Variants in KIAA1217 observed in about 807,000 individuals in gnomAD.
KIAA1217 encodes sickle tail protein homolog.
Under a neutral mutation model 163.9 loss-of-function variants are expected in KIAA1217, and 88 were observed. The observed-to-expected ratio is 0.54, with a 90% CI of 0.45 to 0.64. KIAA1217 has a LOEUF of 0.64. KIAA1217 is among the 30% of genes least tolerant of loss of function. KIAA1217 has a pLI of 0.00. For missense variants in KIAA1217, 2,372 were observed against 2,475.0 expected (o/e 0.96, Z 0.88); for synonymous variants, 903 against 923.1 (o/e 0.98, Z 0.39).
chr10:24,185,214 A>C (rs2066366073), intron 2 of KIAA1217, among the ~76,000 whole-genome samples: 1 of 152,174 alleles, frequency 6.6e-6, no homozygotes, highest in South Asian at 2.1e-4. Context: ...CTTCTACTAC[A>C]TAAGTAGTAA....
intron 2 of KIAA1217, among the ~76,000 whole-genome samples, chr10:24,049,030 CA>C (rs59235039): frequency 0.054 from 4,650 of 86,116 alleles, 46 homozygotes; most frequent in African/African-American, 0.067. Context: ...TACTCTGTCT[CA>C]AAAAAAAAAA....
intron 2 of KIAA1217, among the ~76,000 whole-genome samples, chr10:24,175,674 G>A (rs2065848932): frequency 6.6e-6 from 1 of 152,168 alleles, no homozygotes; most frequent in East Asian, 1.9e-4. Context: ...TGTGTCCAGA[G>A]TTTGCTCCTT....
chr10:23,805,460 G>A (rs1430203342), intron 1 of KIAA1217, among the ~76,000 whole-genome samples: 2 of 152,116 alleles, frequency 1.3e-5, no homozygotes, highest in East Asian at 3.9e-4. Flanking sequence ...TCACTTATAA[G>A]TGGAAGCTAA....
intron 2 of KIAA1217, among the ~76,000 whole-genome samples, chr10:24,368,404 T>C (rs2051089083): frequency 6.6e-6 from 1 of 152,028 alleles, no homozygotes; most frequent in South Asian, 2.1e-4. Context: ...CCCGCTATTC[T>C]TTTTTTCTTC....
At chr10:24,186,571 G>T (rs1344676151) in intron 2 of KIAA1217, among the ~76,000 whole-genome samples, 1 of 152,110 alleles carries the variant, frequency 6.6e-6, no homozygotes, top group Non-Finnish European at 1.5e-5. Context: ...TTAGAAGGGG[G>T]ATCTTTGTTG....
intron 9 of KIAA1217, among the ~76,000 whole-genome samples, chr10:24,506,416 C>T (rs1013683625): frequency 1.2e-4 from 18 of 152,160 alleles, no homozygotes; most frequent in African/African-American, 4.3e-4. Flanking sequence ...TAGGTTTAGG[C>T]ATTTGCTAGT....
chr10:23,938,774 C>A (rs74123173), intron 1 of KIAA1217, among the ~76,000 whole-genome samples: 2,351 of 151,572 alleles, frequency 0.016, 71 homozygotes, highest in African/African-American at 0.052. Flanking sequence ...GTTCTGGAAC[C>A]AATCCCCCTT....
rs79939023 is a variant in KIAA1217, at chr10:24,268,146, C to T, written c.354+48237C>T. 5.6e-3 allele frequency among the ~76,000 whole-genome samples: 860 copies of T among 152,272 alleles called. 11 individuals are homozygous for T. The highest frequency in any genetic ancestry group is 0.02 in the African/African-American group (823 of 41,544). On this transcript the variant is annotated intron_variant, in intron 2 of 20. Coordinates refer to ENST00000376454, the MANE Select transcript of KIAA1217 (RefSeq NM_019590.5). ...GAATGGCAAAGGAATCAGAGCAAGT[C>T]ATTACTCTCTAGTTCATTTGGCTAG...
At chr10:24,361,300 A>G (rs2049964894) in intron 2 of KIAA1217, among the ~76,000 whole-genome samples, 1 of 151,932 alleles carries the variant, frequency 6.6e-6, no homozygotes, top group Admixed American at 6.6e-5. Context: ...TAATCCTCCC[A>G]CCTCAGCCTC....
chr10:23,940,460 C>CA (rs760090400), intron 1 of KIAA1217, among the ~76,000 whole-genome samples: 4,924 of 45,608 alleles, frequency 0.11, 460 homozygotes, highest in Middle Eastern at 0.19. Flanking sequence ...GACTCCGTCT[C>CA]AAAAAAAAAA....
intron 6 of KIAA1217, among the ~76,000 whole-genome samples, chr10:24,492,019 T>C (rs181561715): frequency 6.6e-6 from 1 of 152,264 alleles, no homozygotes; most frequent in East Asian, 1.9e-4. Context: ...TAGCCCTGAA[T>C]GCACCTCTGC....
intron 2 of KIAA1217, among the ~76,000 whole-genome samples, chr10:24,088,272 T>TATATATATATATATAC (rs1554861345): frequency 3.7e-5 from 4 of 107,196 alleles, no homozygotes; most frequent in African/African-American, 1.2e-4. Context: ...TATATATATA[T>TATATATATATATATAC]ATACACACAT....
chr10:24,209,033 G>A (rs1425455896), upstream of KIAA1217: 12 of 615,294 alleles, frequency 2.0e-5, no homozygotes, highest in East Asian at 3.4e-4. Flanking sequence ...TTTCTCGGGC[G>A]AGGGAGACTT....
chr10:24,431,635 G>A (rs1368493430), intron 3 of KIAA1217, among the ~76,000 whole-genome samples: 1 of 152,158 alleles, frequency 6.6e-6, no homozygotes, highest in Non-Finnish European at 1.5e-5. Context: ...AGTTCTGAAA[G>A]GAAACATCCC....
At chr10:24,244,076 T>C (rs977619302) in intron 2 of KIAA1217, among the ~76,000 whole-genome samples, 1 of 152,182 alleles carries the variant, frequency 6.6e-6, no homozygotes, top group African/African-American at 2.4e-5. Context: ...GAAGAGCATA[T>C]GAAGTTTTGT....
At chr10:24,302,806 A>C (rs1398897578) in intron 2 of KIAA1217, among the ~76,000 whole-genome samples, 1 of 152,136 alleles carries the variant, frequency 6.6e-6, no homozygotes, top group African/African-American at 2.4e-5. Context: ...GGCCATGTGG[A>C]TATCTGTCTA....
chr10:24,073,756 G>T (rs1332649385), intron 2 of KIAA1217, among the ~76,000 whole-genome samples: 2 of 152,162 alleles, frequency 1.3e-5, no homozygotes, highest in African/African-American at 4.8e-5. Flanking sequence ...CCAACTGGGG[G>T]AACTTCATGG....
chr10:23,957,700 T>C (rs1443314444), intron 1 of KIAA1217, among the ~76,000 whole-genome samples: 3 of 152,062 alleles, frequency 2.0e-5, no homozygotes, highest in South Asian at 4.2e-4. Context: ...CCAGTCTGGG[T>C]AACATACTGA....
chr10:23,867,790 C>G (rs1300550304), intron 1 of KIAA1217, among the ~76,000 whole-genome samples: 1 of 152,048 alleles, frequency 6.6e-6, no homozygotes, highest in Non-Finnish European at 1.5e-5. Flanking sequence ...AATTTTCTCC[C>G]ATTCTGTAGG....
Sources: gnomAD v4.1 joint callset for allele counts (sites outside exome capture counted in the v4.1 genomes callset) on GRCh38, gnomAD v4.1.1 for gene constraint, MANE v1.5 for transcripts, NCBI Gene and HGNC (gene_info 2026-07-23, HGNC 2026-07-21) for gene names.